The following LRRC4C variants were observed in gnomAD, a reference collection of about 807,000 sequenced individuals.
LRRC4C encodes the protein leucine rich repeat containing 4C, also known as leucine-rich repeat-containing protein 4C.
A neutral mutation model predicts 33.6 loss-of-function variants in LRRC4C; 5 were observed. That is an observed-to-expected ratio of 0.15 (90% CI 0.08 to 0.31). The LOEUF is 0.31. Ranked by LOEUF, LRRC4C falls within the 10% of genes least tolerant of loss-of-function variation. LRRC4C has a pLI of 1.00. For missense variants in LRRC4C, 560 were observed against 796.7 expected, an observed-to-expected ratio of 0.70 and a Z score of 3.58; for synonymous variants, 329 against 302.0, an observed-to-expected ratio of 1.09 and a Z score of -0.93.
At chr11:41,275,168 C>T (rs1037570667) in intron 1 of LRRC4C, among the ~76,000 whole-genome samples, 3 of 152,118 alleles carry the variant, frequency 2.0e-5, no homozygotes, top group Non-Finnish European at 2.9e-5. Flanking sequence ...TACAAGAAGC[C>T]GAGCAGGCAC....
intron 1 of LRRC4C, among the ~76,000 whole-genome samples, chr11:41,334,667 C>A (rs556306271): frequency 6.6e-6 from 1 of 152,080 alleles, no homozygotes; most frequent in Admixed American, 6.6e-5. Context: ...CCTCTCTCTG[C>A]AAATATTAAA....
At chr11:40,146,616 GA>G (rs2135050528) in intron 5 of LRRC4C, among the ~76,000 whole-genome samples, 2 of 152,282 alleles carry the variant, frequency 1.3e-5, no homozygotes, top group African/African-American at 4.8e-5. Flanking sequence ...AAATCACAAA[GA>G]TGGTGTTCCT....
chr11:41,404,896 T>C (rs920527184), intron 1 of LRRC4C, among the ~76,000 whole-genome samples: 7 of 152,102 alleles, frequency 4.6e-5, no homozygotes, highest in African/African-American at 1.7e-4. Flanking sequence ...ACATTCTTAT[T>C]GCCACTGGTA....
At chr11:40,403,502 G>A (rs1408749392) in intron 3 of LRRC4C, among the ~76,000 whole-genome samples, 1 of 152,070 alleles carries the variant, frequency 6.6e-6, no homozygotes, top group East Asian at 1.9e-4. Context: ...TTTATGTGGT[G>A]ACTAATGCTG....
rs372288332 is a variant in LRRC4C, at chr11:40,841,771, C to T, written c.-407+91864G>A. On this transcript the variant is annotated intron_variant, in intron 2 of 6. Coordinates refer to ENST00000528697, the MANE Select transcript of LRRC4C (RefSeq NM_001258419.2). Reference sequence around the variant, plus strand: ...TGGACATAATTAAGTTCTGAGAAAACGCATTTTTCTTTTTCAGTGTAAGCC... The same window carrying T: ...TGGACATAATTAAGTTCTGAGAAAATGCATTTTTCTTTTTCAGTGTAAGCC... 3.4e-4 allele frequency among the ~76,000 whole-genome samples: 52 copies of T among 152,182 alleles called. No individual in the cohort carries two copies. The South Asian group carries it at 6.8e-3, about 20-fold the overall frequency.
At chr11:41,085,378 G>A (rs1939893246) in intron 1 of LRRC4C, among the ~76,000 whole-genome samples, 1 of 152,108 alleles carries the variant, frequency 6.6e-6, no homozygotes, top group South Asian at 2.1e-4. Context: ...TTTCAAACAA[G>A]TATATCTCTC....
rs760484682 is a variant in LRRC4C at position 40,577,267 on chromosome 11, G to A, written c.-270+70875C>T. ...ACCTAGTGGAAGATAAAGCCTATGG[G>A]AAAACCAAGCTTCTAGTCACTGTAC... is the stretch of plus-strand genomic sequence containing the variant. On this transcript the variant is annotated intron_variant, in intron 3 of 6. Coordinates refer to ENST00000528697, the MANE Select transcript of LRRC4C (RefSeq NM_001258419.2). 8.3e-4 allele frequency among the ~76,000 whole-genome samples: 127 copies of A among 152,280 alleles called. 1 individual carries two copies. Among genetic ancestry groups the A allele is most frequent in the South Asian group, 1.4e-3 (7 of 4,832 alleles).
chr11:40,529,378 C>A (rs112738402), intron 3 of LRRC4C, among the ~76,000 whole-genome samples: 1 of 151,900 alleles, frequency 6.6e-6, no homozygotes, highest in Non-Finnish European at 1.5e-5. Context: ...GGACTTAAGA[C>A]TGAGCCTTGA....
Position 40,373,270 on chromosome 11 carries a change from T to C in LRRC4C, c.-269-53549A>G, listed in dbSNP as rs376234307. Among the ~76,000 whole-genome samples the C allele has an allele frequency of 3.9e-5, 6 of 152,218 alleles. No individual in the cohort carries two copies. In the South Asian group the frequency reaches 8.3e-4, roughly 21 times the overall value. On this transcript the variant is annotated intron_variant, in intron 3 of 6. Coordinates refer to ENST00000528697, the MANE Select transcript of LRRC4C (RefSeq NM_001258419.2). ...CTTGACCTCGGGGTAATGAATGATATCTTACCCAACAGGTACAAGAAACAT... is the reference window on the plus strand; with the variant it reads ...CTTGACCTCGGGGTAATGAATGATACCTTACCCAACAGGTACAAGAAACAT...
intron 3 of LRRC4C, among the ~76,000 whole-genome samples, chr11:40,395,146 A>G (rs2137488176): frequency 6.6e-6 from 1 of 152,282 alleles, no homozygotes; most frequent in East Asian, 1.9e-4. Context: ...TATTAGTGAC[A>G]TGTTCTAAGG....
intron 3 of LRRC4C, among the ~76,000 whole-genome samples, chr11:40,454,692 A>G (rs775714665): frequency 4.6e-5 from 7 of 152,164 alleles, no homozygotes; most frequent in Non-Finnish European, 1.0e-4. Context: ...CCATATCTGA[A>G]TATTCATTCC....
chr11:41,085,364 C>G (rs1939891241), intron 1 of LRRC4C, among the ~76,000 whole-genome samples: 1 of 152,120 alleles, frequency 6.6e-6, no homozygotes, highest in African/African-American at 2.4e-5. Context: ...TGAATCTTTG[C>G]CTTTTTCAAA....
intron 1 of LRRC4C, among the ~76,000 whole-genome samples, chr11:41,047,833 C>A (rs1057081863): frequency 5.3e-5 from 8 of 152,082 alleles, no homozygotes; most frequent in Admixed American, 2.6e-4. Flanking sequence ...TCCTTGTATA[C>A]TTTCTCATGG....
At chr11:40,452,772 GA>G (rs1275043989) in intron 3 of LRRC4C, among the ~76,000 whole-genome samples, 1 of 152,112 alleles carries the variant, frequency 6.6e-6, no homozygotes, top group Non-Finnish European at 1.5e-5. Context: ...TAAAGACTTG[GA>G]ACCAAGCCAA....
chr11:40,490,263 C>T (rs1225359348), intron 3 of LRRC4C, among the ~76,000 whole-genome samples: 1 of 152,146 alleles, frequency 6.6e-6, no homozygotes, highest in Non-Finnish European at 1.5e-5. Flanking sequence ...GCCAAGCTGA[C>T]ATTAATCTTT....
Position 41,294,593 on chromosome 11 carries a change from G to A in LRRC4C, c.-496+164838C>T, listed in dbSNP as rs1264028226. The stretch of plus-strand genomic sequence containing the variant: ...TGTATAATGCACAAGAATTTTAAGA[G>A]GTAAGATTTACTCTATCATATTATC... On this transcript the variant is annotated intron_variant, in intron 1 of 6. Coordinates refer to ENST00000528697, the MANE Select transcript of LRRC4C (RefSeq NM_001258419.2). 3.9e-5 allele frequency among the ~76,000 whole-genome samples: 6 copies of A among 152,062 alleles called. No individual in the cohort carries two copies. The East Asian group carries it at 9.6e-4, about 24-fold the overall frequency.
intron 5 of LRRC4C, among the ~76,000 whole-genome samples, chr11:40,177,278 G>T (rs1860587430): frequency 6.6e-6 from 1 of 152,064 alleles, no homozygotes; most frequent in South Asian, 2.1e-4. Context: ...TCAACAAAAT[G>T]ATGAGGATAC....
At chr11:40,581,625 C>T (rs758936791) in intron 3 of LRRC4C, among the ~76,000 whole-genome samples, 2 of 152,056 alleles carry the variant, frequency 1.3e-5, no homozygotes, top group Non-Finnish European at 2.9e-5. Context: ...AAGAATAGGC[C>T]GGGAGCGGTG....
At chr11:41,260,586 T>A (rs1948948836) in intron 1 of LRRC4C, among the ~76,000 whole-genome samples, 1 of 151,762 alleles carries the variant, frequency 6.6e-6, no homozygotes, top group Non-Finnish European at 1.5e-5. Flanking sequence ...ATATATAATG[T>A]GTATATATAG....
Sources: allele counts gnomAD v4.1 joint callset (sites outside exome capture counted in the v4.1 genomes callset), GRCh38; gene constraint gnomAD v4.1.1; transcripts MANE v1.5; gene names NCBI Gene and HGNC (gene_info 2026-07-23, HGNC 2026-07-21).